The following TRPV1 variants were observed in gnomAD, a reference collection of about 807,000 sequenced individuals.
TRPV1 encodes OTRPC1.
Under a neutral mutation model 82.3 loss-of-function variants are expected in TRPV1, and 82 were observed. That is an observed-to-expected ratio of 1.00 (90% CI 0.83 to 1.20). The LOEUF is 1.20. TRPV1 is among the 50% of genes most tolerant of loss of function. The pLI is 0.00. For missense variants in TRPV1, 1,067 were observed against 1,096.8 expected, an observed-to-expected ratio of 0.97 and a Z score of 0.38; for synonymous variants, 515 against 467.7, an observed-to-expected ratio of 1.10 and a Z score of -1.30.
At chr17:3,582,006 C>CAT (rs1567664779) in intron 10 of TRPV1, among the ~76,000 whole-genome samples, 17 of 137,862 alleles carry the variant, frequency 1.2e-4, no homozygotes, top group Non-Finnish European at 1.6e-5. Flanking sequence ...CTGGCTAACA[C>CAT]GGTGAAACCC....
rs748776114 is a variant in TRPV1, at chr17:3,571,567, C to T, written c.2304G>A (p.Glu768=). The part of the protein sequence containing the change: ...GIINEDPGNC[E]GVKRTLSFSL... The stretch of plus-strand genomic sequence containing the variant: ...AGAAGCTCAGGGTGCGCTTGACGCC[C>T]TCACAGTTGCCCGGGTCTTCGTTGA... Residue 768 remains glutamate, a synonymous_variant, in exon 16 of 17, where the codon GAG becomes GAA. Coordinates refer to ENST00000572705, the MANE Select transcript of TRPV1 (RefSeq NM_080704.4). 1 of 1,612,146 alleles carries T rather than the reference C, an allele frequency of 6.2e-7. No individual in the cohort carries two copies. The highest frequency in any genetic ancestry group is 1.7e-5 in the Admixed American group (1 of 59,804).
chr17:3,605,247 G>A (rs2075289482), intron 2 of TRPV1, among the ~76,000 whole-genome samples: 1 of 152,128 alleles, frequency 6.6e-6, no homozygotes. Context: ...GGTGCCTCAT[G>A]CCTATAATCC....
chr17:3,576,668 A>AATATAT (rs1555549458), intron 13 of TRPV1, among the ~76,000 whole-genome samples: 36 of 38,346 alleles, frequency 9.4e-4, no homozygotes, highest in East Asian at 5.2e-3. Context: ...AAAAAAAAAA[A>AATATAT]ATATATATAT....
rs376726565 is a variant in TRPV1, at chr17:3,590,371, G to A, written c.626C>T (p.Ala209Val). ...YYKGQTALHIAIERRNMALVT... is the reference protein window; with the variant it reads ...YYKGQTALHIVIERRNMALVT... ...CAGGGCCATGTTGCGTCTCTCGATGGCGATGTGCAGTGCTGTCTGGCCTAC... is the reference window on the plus strand; with the variant it reads ...CAGGGCCATGTTGCGTCTCTCGATGACGATGTGCAGTGCTGTCTGGCCTAC... The change falls in exon 6 of 17, where the codon GCC becomes GTC. Residue 209 changes from alanine (A) to valine (V), a missense_variant. Coordinates refer to ENST00000572705, the MANE Select transcript of TRPV1 (RefSeq NM_080704.4). 2.5e-6 allele frequency: 4 copies of A among 1,613,844 alleles called. No homozygotes were observed. In the African/African-American group the frequency reaches 5.3e-5, roughly 22 times the overall value.
At chr17:3,591,436 C>G in intron 3 of TRPV1, 83 bp from the exon 4 acceptor site, 1 of 1,478,186 alleles carries the variant, frequency 6.8e-7, no homozygotes, top group East Asian at 2.3e-5. Context: ...GGGAACACGA[C>G]TAAATCCCAA....
At position 3,566,753 on chromosome 17, in the gene TRPV1, G is replaced by GC. The variant is rs941633526; in HGVS notation, c.*61dup. 9.6e-6 allele frequency: 15 copies of GC among 1,567,160 alleles called. No homozygotes were observed. In the Admixed American group the frequency reaches 2.1e-4, roughly 22 times the overall value. ...ACAGAGCACTGGTGTTCCCTCAGCA[G>GC]CCCCCCGTGGCAACGGGGTCTCCTA... On this transcript the variant is annotated 3_prime_UTR_variant, in exon 17 of 17. Coordinates refer to ENST00000572705, the MANE Select transcript of TRPV1 (RefSeq NM_080704.4).
rs201371426 is a variant in TRPV1, at chr17:3,583,341, T to C, written c.1473A>G (p.Arg491=). 4.8e-5 allele frequency: 77 copies of C among 1,607,222 alleles called. No homozygotes were observed. The highest frequency in any genetic ancestry group is 6.5e-5 in the Non-Finnish European group (76 of 1,176,760). The change falls in exon 10 of 17, where the codon CGA becomes CGG. Residue 491 remains arginine, a synonymous_variant. Transcript: ENST00000572705. ...SVLGGVYFFF[R]GIQYFLQRRP... is the part of the protein sequence containing the mutation. Reference sequence around the variant, plus strand: ...CAATGTGGGAAGGAACGCTTACCCCTCGGAAAAAGAAGTAGACTCCTCCTA... The same window carrying C: ...CAATGTGGGAAGGAACGCTTACCCCCCGGAAAAAGAAGTAGACTCCTCCTA...
rs747159743 is a variant in TRPV1, at chr17:3,590,330, C to T, written c.667G>A (p.Glu223Lys). 1 of 1,614,018 alleles carries T rather than the reference C, an allele frequency of 6.2e-7. No homozygotes were observed. Among genetic ancestry groups the T allele is most frequent in the South Asian group, 1.1e-5 (1 of 91,084 alleles). ...RNMALVTLLV[E>K]NGADVQAAAH... ...GCAGCCTGGACGTCTGCTCCGTTCT[C>T]CACCAGGAGGGTCACCAGGGCCATG... The change falls in exon 6 of 17, where the codon GAG becomes AAG. Residue 223 changes from glutamate to lysine, a missense_variant. Physicochemically the swap from Glu to Lys is moderately conservative, Grantham distance 56. Transcript: ENST00000572705.
intron 2 of TRPV1, among the ~76,000 whole-genome samples, chr17:3,598,371 C>T (rs567321571): frequency 1.2e-4 from 19 of 152,258 alleles, no homozygotes; most frequent in African/African-American, 4.3e-4. Context: ...AACCCGCTCT[C>T]GCAGGCCGTA....
rs549474063 is a variant in TRPV1, at chr17:3,606,700, G to A, written c.-34+1727C>T. Among the ~76,000 whole-genome samples, 11 of 152,236 alleles carry A rather than the reference G, an allele frequency of 7.2e-5. No individual in the cohort carries two copies. In the South Asian group the frequency reaches 1.9e-3, roughly 26 times the overall value. ...ACGGAGGCTCCAGGCCTCAGGCAAC[G>A]GAAGCAGCAGGAGCAGCCCTGTTTA... On this transcript the variant is annotated intron_variant, in intron 2 of 16. Transcript: ENST00000572705.
chr17:3,603,847 G>C (rs2075280238), intron 2 of TRPV1, among the ~76,000 whole-genome samples: 1 of 152,198 alleles, frequency 6.6e-6, no homozygotes, highest in South Asian at 2.1e-4. Context: ...GCTGAGGGGA[G>C]AGGCCAGGTG....
At chr17:3,576,688 T>TATATATATATATATATATGC (rs1555549476) in intron 13 of TRPV1, among the ~76,000 whole-genome samples, 2 of 99,302 alleles carry the variant, frequency 2.0e-5, no homozygotes, top group African/African-American at 6.9e-5. Flanking sequence ...TATATATATA[T>TATATATATATATATATATGC]ATGCATAAAA....
rs767938216 is a variant in TRPV1 at position 3,577,145 on chromosome 17, G to A, written c.1761C>T (p.Phe587=). The A allele has an allele frequency of 3.1e-6, 5 of 1,588,672 alleles. No homozygotes were observed. In the South Asian group the frequency reaches 4.6e-5, roughly 15 times the overall value. ...LCRFMFVYIV[F]LFGFSTAVVT... ...CATTACCTGTGGAAAACCCGAACAAGAAGACGATGTAGACAAACATGAAAC... is the reference window on the plus strand; with the variant it reads ...CATTACCTGTGGAAAACCCGAACAAAAAGACGATGTAGACAAACATGAAAC... Residue 587 remains phenylalanine, a synonymous_variant, in exon 13 of 17, where the codon TTC becomes TTT. Coordinates refer to ENST00000572705, the MANE Select transcript of TRPV1 (RefSeq NM_080704.4).
Position 3,590,318 on chromosome 17 carries a change from C to T in TRPV1, c.679G>A (p.Asp227Asn). 6.2e-7 allele frequency: 1 copy of T among 1,614,046 alleles called. No individual in the cohort carries two copies. The highest frequency in any genetic ancestry group is 1.1e-5 in the South Asian group (1 of 91,088). ...TCCCCATGGGCCGCAGCCTGGACGT[C>T]TGCTCCGTTCTCCACCAGGAGGGTC... ...LVTLLVENGA[D>N]VQAAAHGDFF... Residue 227 changes from aspartate (D) to asparagine (N), a missense_variant, in exon 6 of 17, where the codon GAC (aspartate) becomes AAC (asparagine). Physicochemically the swap from Asp to Asn is conservative, Grantham distance 23. Transcript: ENST00000572705.
At position 3,592,054 on chromosome 17, in the gene TRPV1, G is replaced by C. The variant is rs2075165117; in HGVS notation, c.284+13C>G. ...GCTCCCAGCAGGGAGGGGGGCTCCAGACGCGGACTTACCTGGCACCGGTGG... is the reference window on the plus strand; with the variant it reads ...GCTCCCAGCAGGGAGGGGGGCTCCACACGCGGACTTACCTGGCACCGGTGG... On this transcript the variant is annotated intron_variant, in intron 3 of 16. Transcript: ENST00000572705. The C allele has an allele frequency of 6.2e-7, 1 of 1,606,488 alleles. No individual in the cohort carries two copies. The highest frequency in any genetic ancestry group is 1.7e-5 in the Admixed American group (1 of 59,742).
chr17:3,608,378 A>G (rs1467327063), intron 2 of TRPV1, 49 bp downstream of exon 2: 1 of 152,154 alleles, frequency 6.6e-6, no homozygotes, highest in Admixed American at 6.6e-5. Flanking sequence ...CACTACCAGC[A>G]TCACTACTCT....
At chr17:3,607,822 C>A (rs1025388802) in intron 2 of TRPV1, among the ~76,000 whole-genome samples, 1 of 152,088 alleles carries the variant, frequency 6.6e-6, no homozygotes, top group African/African-American at 2.4e-5. Flanking sequence ...CAGGTGTGAG[C>A]CCCCACACCC....
intron 2 of TRPV1, among the ~76,000 whole-genome samples, chr17:3,595,108 C>T (rs1445542338): frequency 6.6e-6 from 1 of 152,098 alleles, no homozygotes; most frequent in Non-Finnish European, 1.5e-5. Flanking sequence ...TGCGGACAGC[C>T]CTGGCAGCAC....
Position 3,590,384 on chromosome 17 carries a change from C to A in TRPV1, c.613G>T (p.Ala205Ser). The A allele has an allele frequency of 1.9e-6, 3 of 1,613,752 alleles. No individual in the cohort carries two copies. Among genetic ancestry groups the A allele is most frequent in the Admixed American group, 3.3e-5 (2 of 59,934 alleles). ...YTDSYYKGQT[A>S]LHIAIERRNM... Reference sequence around the variant, plus strand: ...CGTCTCTCGATGGCGATGTGCAGTGCTGTCTGGCCTACAGAGGACGCGCAC... The same window carrying A: ...CGTCTCTCGATGGCGATGTGCAGTGATGTCTGGCCTACAGAGGACGCGCAC... Residue 205 changes from alanine (A) to serine (S), a missense_variant, in exon 6 of 17, where the codon GCA becomes TCA. Coordinates refer to ENST00000572705, the MANE Select transcript of TRPV1 (RefSeq NM_080704.4).
Sources: allele counts gnomAD v4.1 joint callset (sites outside exome capture counted in the v4.1 genomes callset), GRCh38; gene constraint gnomAD v4.1.1; transcripts MANE v1.5; gene names NCBI Gene and HGNC (gene_info 2026-07-23, HGNC 2026-07-21).